IFT81: variants seen among roughly 807,000 people sequenced by gnomAD.
IFT81 encodes the protein intraflagellar transport 81, also known as intraflagellar transport protein 81 homolog.
Under a neutral mutation model 102.6 loss-of-function variants are expected in IFT81, and 72 were observed. The ratio of observed to expected loss-of-function variants is 0.70; its 90% CI spans 0.58 to 0.85. The LOEUF is 0.85. IFT81 is among the 40% of genes least tolerant of loss of function. IFT81 has a pLI of 0.00. For synonymous variants in IFT81, 237 were observed against 242.7 expected (o/e 0.98, Z 0.22); for missense variants, 723 against 787.3 (o/e 0.92, Z 0.98).
chr12:110,142,719 G>C (rs942257624), intron 8 of IFT81, among the ~76,000 whole-genome samples: 1 of 151,462 alleles, frequency 6.6e-6, no homozygotes, highest in African/African-American at 2.4e-5. Context: ...GCAAAACCTC[G>C]TCTCTACAAA....
At chr12:110,186,223 ACAT>A (rs2137533328) in intron 12 of IFT81, among the ~76,000 whole-genome samples, 1 of 151,038 alleles carries the variant, frequency 6.6e-6, no homozygotes, top group Non-Finnish European at 1.5e-5. Context: ...TTATTTCATA[ACAT>A]CAACTGTACA....
chr12:110,142,233 T>C (rs535155655), intron 8 of IFT81, among the ~76,000 whole-genome samples: 1 of 152,244 alleles, frequency 6.6e-6, no homozygotes, highest in South Asian at 2.1e-4. Flanking sequence ...GGTGACACGA[T>C]CTTGGCTCAG....
At chr12:110,145,031 T>A (rs1895134973) in intron 9 of IFT81, among the ~76,000 whole-genome samples, 1 of 143,840 alleles carries the variant, frequency 7.0e-6, no homozygotes, top group East Asian at 2.0e-4. Flanking sequence ...ATGCCTAATT[T>A]TTTTTTTTTT....
rs35629754 is a variant in IFT81, at chr12:110,150,568, T to A, written c.1041+3520T>A. On this transcript the variant is annotated intron_variant, in intron 10 of 18. Coordinates refer to ENST00000242591, the MANE Select transcript of IFT81 (RefSeq NM_014055.4). ...CCTTATCCCACGTTGAAAATCTTGGTTCTTAGTAACATCAACATAATTTAA... is the reference window on the plus strand; with the variant it reads ...CCTTATCCCACGTTGAAAATCTTGGATCTTAGTAACATCAACATAATTTAA... Among the ~76,000 whole-genome samples the A allele has an allele frequency of 4.6e-5, 7 of 152,330 alleles. No individual in the cohort carries two copies. In the South Asian group the frequency reaches 1.4e-3, roughly 32 times the overall value.
Position 110,128,042 on chromosome 12 carries a change from T to A in IFT81, c.145-4T>A. Reference sequence around the variant, plus strand: ...TAACATGTTTTTTTCAATTTCTTTGTTAGCAACTTGTGGATATCAGAGAGG... The same window carrying A: ...TAACATGTTTTTTTCAATTTCTTTGATAGCAACTTGTGGATATCAGAGAGG... On this transcript the variant is annotated splice_polypyrimidine_tract_variant and splice_region_variant and intron_variant, in intron 2 of 18. Coordinates refer to ENST00000242591, the MANE Select transcript of IFT81 (RefSeq NM_014055.4). 6.3e-7 allele frequency: 1 copy of A among 1,597,706 alleles called. No individual in the cohort carries two copies. Among genetic ancestry groups the A allele is most frequent in the Non-Finnish European group, 8.6e-7 (1 of 1,165,690 alleles).
intron 1 of IFT81, 48 bp from the exon 2 acceptor site, chr12:110,127,311 AC>A (rs1893903350): frequency 7.2e-7 from 1 of 1,379,710 alleles, no homozygotes; most frequent in Non-Finnish European, 9.4e-7. Context: ...TTTACCCAGG[AC>A]TTTTGTTGCC....
At chr12:110,156,773 A>T (rs548666421) in intron 10 of IFT81, among the ~76,000 whole-genome samples, 3 of 152,334 alleles carry the variant, frequency 2.0e-5, no homozygotes, top group South Asian at 4.1e-4. Context: ...CCAAGATTAT[A>T]GGTGTGAGCC....
rs1405834993 is a variant in IFT81, at chr12:110,135,293, A to G, written c.586-34A>G. The G allele has an allele frequency of 6.5e-6, 9 of 1,380,810 alleles. No homozygotes were observed. In the South Asian group the frequency reaches 7.5e-5, roughly 11 times the overall value. The allele number at this position is 1,380,810 out of a possible 1,614,324, so 85.5% of individuals were successfully genotyped here. A position where few individuals can be genotyped will look rare whatever the true frequency, so the allele number is the denominator to read the frequency against. On this transcript the variant is annotated intron_variant, in intron 6 of 18. Coordinates refer to ENST00000242591, the MANE Select transcript of IFT81 (RefSeq NM_014055.4). ...ATGCTAATTTTTTTCTTCAAACCTG[A>G]CAGTAACATGTACTACTTATTCCCT...
chr12:110,168,042 T>A (rs968351091), intron 11 of IFT81: 1 of 168,718 alleles, frequency 5.9e-6, no homozygotes, highest in Non-Finnish European at 1.3e-5. Context: ...TTTTGTTTTG[T>A]AGAGATGTGG....
At chr12:110,167,542 C>T (rs1412894815) in intron 11 of IFT81, among the ~76,000 whole-genome samples, 1 of 152,024 alleles carries the variant, frequency 6.6e-6, no homozygotes, top group Admixed American at 6.6e-5. Context: ...GAATATTTTA[C>T]TGTTTTTATA....
intron 13 of IFT81, among the ~76,000 whole-genome samples, chr12:110,191,261 C>G (rs1384081598): frequency 6.6e-6 from 1 of 151,836 alleles, no homozygotes; most frequent in East Asian, 1.9e-4. Flanking sequence ...ACATCCACCT[C>G]TGGGGTTCAA....
chr12:110,158,593 T>A (rs1400638373), intron 10 of IFT81, among the ~76,000 whole-genome samples: 1 of 151,650 alleles, frequency 6.6e-6, no homozygotes. Context: ...CTTTGTGATT[T>A]TTTTTTTTCT....
chr12:110,146,492 AATGTATAAATATTTC>A (rs1320071002), intron 9 of IFT81, among the ~76,000 whole-genome samples: 1 of 152,252 alleles, frequency 6.6e-6, no homozygotes, highest in Non-Finnish European at 1.5e-5. Flanking sequence ...TCTTTGTGGT[AATGTATAAATATTTC>A]ATGTAAAATA....
Position 110,162,907 on chromosome 12 carries a change from A to G in IFT81, c.1042-12A>G. On this transcript the variant is annotated splice_polypyrimidine_tract_variant and intron_variant, in intron 10 of 18. Coordinates refer to ENST00000242591, the MANE Select transcript of IFT81 (RefSeq NM_014055.4). ...ATATCTTATTATACCTTCATATTTA[A>G]TGCTCAATCAGGCATCTATCATTTC... 1 of 1,595,760 alleles carries G rather than the reference A, an allele frequency of 6.3e-7. No individual in the cohort carries two copies. Among genetic ancestry groups the G allele is most frequent in the Non-Finnish European group, 8.5e-7 (1 of 1,171,766 alleles).
chr12:110,174,475 A>G (rs2137491802), intron 11 of IFT81, among the ~76,000 whole-genome samples: 1 of 151,714 alleles, frequency 6.6e-6, no homozygotes, highest in South Asian at 2.1e-4. Flanking sequence ...AAAAAAAAAA[A>G]AATGGCTTTG....
At chr12:110,164,473 G>T (rs1319879835) in intron 11 of IFT81, among the ~76,000 whole-genome samples, 1 of 151,892 alleles carries the variant, frequency 6.6e-6, no homozygotes, top group Non-Finnish European at 1.5e-5. Context: ...TTTTGTAACA[G>T]CTACTAGATC....
At position 110,209,155 on chromosome 12, in the gene IFT81, T is replaced by A; in HGVS notation, c.1803-16T>A. ...TTGAAGTAAATTGAAAGTAAATCAT[T>A]ATGTTGACTCCCTAGGGAACAGTAT... On this transcript the variant is annotated splice_polypyrimidine_tract_variant and intron_variant, in intron 17 of 18. Coordinates refer to ENST00000242591, the MANE Select transcript of IFT81 (RefSeq NM_014055.4). 6.9e-7 allele frequency: 1 copy of A among 1,444,606 alleles called. No homozygotes were observed. Among genetic ancestry groups the A allele is most frequent in the Non-Finnish European group, 9.6e-7 (1 of 1,039,268 alleles). 89.5% of individuals were successfully genotyped at this position (1,444,606 alleles called of 1,614,324 possible). A position where few individuals can be genotyped will look rare whatever the true frequency, so the allele number is the denominator to read the frequency against.
At chr12:110,196,662 C>T (rs1433154183) in intron 14 of IFT81, among the ~76,000 whole-genome samples, 3 of 152,094 alleles carry the variant, frequency 2.0e-5, no homozygotes, top group African/African-American at 7.2e-5. Context: ...CCAGCCTGCA[C>T]AACACAGTGA....
intron 18 of IFT81, among the ~76,000 whole-genome samples, chr12:110,213,937 A>C (rs912112041): frequency 3.9e-4 from 59 of 152,228 alleles, no homozygotes; most frequent in African/African-American, 1.4e-3. Flanking sequence ...TTCTAATTTC[A>C]TACTGTACAT....
Sources: gnomAD v4.1 joint callset for allele counts (sites outside exome capture counted in the v4.1 genomes callset) on GRCh38, gnomAD v4.1.1 for gene constraint, MANE v1.5 for transcripts, NCBI Gene and HGNC (gene_info 2026-07-23, HGNC 2026-07-21) for gene names.